The following DIAPH2 variants were observed in gnomAD, a reference collection of about 807,000 sequenced individuals.
DIAPH2 encodes protein diaphanous homolog 2.
In DIAPH2, 35 loss-of-function variants were observed where a neutral mutation model predicts 92.7. The observed-to-expected ratio is 0.38, with a 90% CI of 0.29 to 0.50. The LOEUF is 0.50. Among genes scored for constraint, DIAPH2 ranks in the 20% least tolerant of loss-of-function variants. The pLI, the probability that DIAPH2 is intolerant of heterozygous loss-of-function variation, is 0.94. For synonymous variants in DIAPH2, 301 were observed against 280.4 expected (o/e 1.07, Z -0.73); for missense variants, 701 against 819.5 (o/e 0.86, Z 1.77).
At chrX:97,126,440 G>A (rs766736150) in intron 21 of DIAPH2, among the ~76,000 whole-genome samples, 1 of 112,094 alleles carries the variant, frequency 8.9e-6, no homozygotes, top group South Asian at 3.7e-4. Flanking sequence ...TACATTTAAC[G>A]ACTTTTTAGT....
intron 23 of DIAPH2, among the ~76,000 whole-genome samples, chrX:97,293,531 G>A (rs367909196): frequency 1.8e-5 from 2 of 111,435 alleles, no homozygotes; most frequent in Non-Finnish European, 3.8e-5. Flanking sequence ...GATTACAGGC[G>A]TGAGCCACTG....
intron 26 of DIAPH2, among the ~76,000 whole-genome samples, chrX:97,554,098 A>G (rs2071240887): frequency 8.9e-6 from 1 of 111,780 alleles, no homozygotes; most frequent in Non-Finnish European, 1.9e-5. Flanking sequence ...ACACTACAAC[A>G]GTGTGTGTAG....
intron 17 of DIAPH2, among the ~76,000 whole-genome samples, chrX:96,986,756 A>T (rs2066034630): frequency 9.0e-6 from 1 of 111,350 alleles, no homozygotes. Context: ...GTAGAGATTG[A>T]CAATTGGGGC....
intron 4 of DIAPH2, among the ~76,000 whole-genome samples, chrX:96,849,339 T>C (rs1217355747): frequency 9.0e-6 from 1 of 111,290 alleles, no homozygotes; most frequent in Non-Finnish European, 1.9e-5. Flanking sequence ...ATAATTTTTA[T>C]ATTTTTAGTA....
At chrX:97,538,444 T>C (rs1013141074) in intron 26 of DIAPH2, among the ~76,000 whole-genome samples, 5 of 111,877 alleles carry the variant, frequency 4.5e-5, no homozygotes, top group African/African-American at 1.6e-4. Context: ...TTAACTATTA[T>C]ATTGTGAAAG....
intron 5 of DIAPH2, among the ~76,000 whole-genome samples, chrX:96,883,282 C>T (rs966443483): frequency 1.8e-5 from 2 of 111,300 alleles, no homozygotes; most frequent in Non-Finnish European, 3.8e-5. Context: ...TTTTTAAAAG[C>T]CAGTGTTAAG....
intron 20 of DIAPH2, among the ~76,000 whole-genome samples, chrX:97,108,858 A>G (rs973505878): frequency 1.8e-5 from 2 of 111,655 alleles, no homozygotes; most frequent in African/African-American, 6.5e-5. Context: ...TTAATTTTGA[A>G]TGAGAGAAAT....
At chrX:96,996,595 A>G (rs1364259162) in intron 17 of DIAPH2, among the ~76,000 whole-genome samples, 1 of 111,920 alleles carries the variant, frequency 8.9e-6, no homozygotes, top group Non-Finnish European at 1.9e-5. Context: ...GATTTTGCTC[A>G]TTATTTTTCT....
intron 5 of DIAPH2, chrX:96,884,176 A>C (rs2065240272): frequency 4.1e-6 from 2 of 489,571 alleles, no homozygotes; most frequent in African/African-American, 2.4e-5. Context: ...GCCTCCCAGC[A>C]TTCAATCGTA....
intron 4 of DIAPH2, among the ~76,000 whole-genome samples, chrX:96,843,195 G>A (rs186234398): frequency 3.6e-5 from 4 of 111,126 alleles, no homozygotes; most frequent in African/African-American, 1.3e-4. Context: ...AGCACTCTCC[G>A]TGCCTTACTC....
chrX:97,328,960 C>T (rs1042195533), intron 23 of DIAPH2, among the ~76,000 whole-genome samples: 1 of 111,713 alleles, frequency 9.0e-6, no homozygotes, highest in Non-Finnish European at 1.9e-5. Flanking sequence ...ACTCTGTTTA[C>T]CCCTCCCTTT....
Position 97,602,833 on chromosome X carries a change from C to T in DIAPH2, c.*3516C>T, listed in dbSNP as rs1312137056. ...TACCTGTAGAATTCTGGCAGTCTCACAATCTTCTTTCATTTTTTTCTGTCT... is the reference window on the plus strand; with the variant it reads ...TACCTGTAGAATTCTGGCAGTCTCATAATCTTCTTTCATTTTTTTCTGTCT... On this transcript the variant is annotated 3_prime_UTR_variant, in exon 27 of 27. Coordinates refer to ENST00000324765, the MANE Select transcript of DIAPH2 (RefSeq NM_006729.5). The T allele has an allele frequency of 8.9e-6, 1 of 112,130 alleles. No homozygotes were observed. Among genetic ancestry groups the T allele is most frequent in the East Asian group, 2.8e-4 (1 of 3,577 alleles). The allele number at this position is 112,130 out of a possible 1,213,427, so 9.2% of individuals were successfully genotyped here.
chrX:96,745,509 G>A (rs953361113), intron 3 of DIAPH2, among the ~76,000 whole-genome samples: 75 of 112,200 alleles, frequency 6.7e-4, no homozygotes, highest in African/African-American at 2.4e-3. Context: ...TGAAACTCTT[G>A]TTATACCTGA....
intron 19 of DIAPH2, among the ~76,000 whole-genome samples, chrX:97,088,272 T>G (rs2066797762): frequency 8.9e-6 from 1 of 112,000 alleles, no homozygotes; most frequent in African/African-American, 3.2e-5. Context: ...TCTTTTAAAA[T>G]ATGACTTAAA....
At chrX:97,065,315 G>T (rs2066626841) in intron 17 of DIAPH2, among the ~76,000 whole-genome samples, 1 of 111,608 alleles carries the variant, frequency 9.0e-6, no homozygotes, top group Non-Finnish European at 1.9e-5. Flanking sequence ...ATTCATATAG[G>T]TTAAAGGTTA....
intron 26 of DIAPH2, among the ~76,000 whole-genome samples, chrX:97,582,727 G>T (rs1300646585): frequency 2.7e-5 from 3 of 110,192 alleles, no homozygotes; most frequent in Non-Finnish European, 3.8e-5. Context: ...GGCCTGCCTT[G>T]CTAGATTGGG....
intron 22 of DIAPH2, among the ~76,000 whole-genome samples, chrX:97,175,920 T>C (rs752265980): frequency 1.8e-5 from 2 of 112,446 alleles, no homozygotes; most frequent in South Asian, 7.4e-4. Context: ...ATATCTTCTT[T>C]GGTGTTTATT....
intron 23 of DIAPH2, among the ~76,000 whole-genome samples, chrX:97,325,975 C>A (rs1022472527): frequency 8.9e-6 from 1 of 112,494 alleles, no homozygotes; most frequent in African/African-American, 3.2e-5. Context: ...TAAACTTGAT[C>A]TACTTTATTT....
At chrX:97,194,868 A>G (rs1004827479) in intron 22 of DIAPH2, among the ~76,000 whole-genome samples, 4 of 112,493 alleles carry the variant, frequency 3.6e-5, no homozygotes, top group South Asian at 7.3e-4. Context: ...CCTAAACTGT[A>G]TAACTACCTT....
Sources: gnomAD v4.1 joint callset for allele counts (sites outside exome capture counted in the v4.1 genomes callset) on GRCh38, gnomAD v4.1.1 for gene constraint, MANE v1.5 for transcripts, NCBI Gene and HGNC (gene_info 2026-07-23, HGNC 2026-07-21) for gene names.